PGBD5: variants seen among roughly 807,000 people sequenced by gnomAD.
PGBD5 encodes piggyBac transposable element-derived protein 5.
PGBD5 carries 14 observed loss-of-function variants against 47.9 expected under a neutral mutation model. That is an observed-to-expected ratio of 0.29 (90% CI 0.19 to 0.46). PGBD5 has a LOEUF of 0.46. PGBD5 is among the 20% of genes least tolerant of loss of function. The pLI is 1.00. For missense variants in PGBD5, 635 were observed against 716.0 expected, an observed-to-expected ratio of 0.89 and a Z score of 1.29; for synonymous variants, 316 against 306.3, an observed-to-expected ratio of 1.03 and a Z score of -0.33.
intron 2 of PGBD5, among the ~76,000 whole-genome samples, chr1:230,351,988 C>CG: frequency 6.6e-6 from 1 of 152,302 alleles, no homozygotes; most frequent in Admixed American, 6.5e-5. Flanking sequence ...ACGTGCTACA[C>CG]TTCCCTCCCT....
intron 1 of PGBD5, chr1:230,377,381 CGT>C (rs1231921789): frequency 8.7e-7 from 1 of 1,151,694 alleles, no homozygotes; most frequent in Non-Finnish European, 1.3e-6. Flanking sequence ...GACATCAACA[CGT>C]GATAAATCCT....
In PGBD5 at chr1:230,387,943, G is replaced by A. The variant is rs1241562683; in HGVS notation, c.332-30622C>T. Among the ~76,000 whole-genome samples the A allele has an allele frequency of 3.3e-5, 5 of 152,136 alleles. No homozygotes were observed. In the East Asian group the frequency reaches 7.7e-4, roughly 24 times the overall value. ...TGGAGGGATGTGGCAGCAAAGGAGG[G>A]GCTGTGTATTTTGACCCAGGCCAGT... On this transcript the variant is annotated intron_variant, in intron 1 of 6. Coordinates refer to ENST00000391860, the MANE Select transcript of PGBD5 (RefSeq NM_001258311.2).
At chr1:230,356,562 C>T (rs1020955589) in intron 2 of PGBD5, among the ~76,000 whole-genome samples, 2 of 152,022 alleles carry the variant, frequency 1.3e-5, no homozygotes, top group Non-Finnish European at 2.9e-5. Flanking sequence ...GAGAATATGA[C>T]AATAAAATTA....
At chr1:230,325,957 C>T (rs1194480477) in intron 5 of PGBD5, among the ~76,000 whole-genome samples, 1 of 152,136 alleles carries the variant, frequency 6.6e-6, no homozygotes, top group Admixed American at 6.5e-5. Context: ...CACTAGACCT[C>T]ACTCCTCCCA....
At chr1:230,336,109 C>G (rs979327475) in intron 4 of PGBD5, 3 of 152,176 alleles carry the variant, frequency 2.0e-5, no homozygotes, top group East Asian at 3.9e-4. Flanking sequence ...ACCCTGTGCT[C>G]GAACAGAGAA....
chr1:230,358,626 G>A (rs1328949901), intron 1 of PGBD5, among the ~76,000 whole-genome samples: 1 of 151,708 alleles, frequency 6.6e-6, no homozygotes, highest in Non-Finnish European at 1.5e-5. Flanking sequence ...ACAATGAACT[G>A]CATATAGGAT....
rs1426532374 is a variant in PGBD5 at position 230,317,693 on chromosome 1, A to G, written c.*5732T>C. 1.3e-5 allele frequency: 2 copies of G among 152,174 alleles called. No individual in the cohort carries two copies. The highest frequency in any genetic ancestry group is 2.9e-5 in the Non-Finnish European group (2 of 68,030). 9.4% of individuals were successfully genotyped at this position (152,174 alleles called of 1,614,324 possible). On this transcript the variant is annotated 3_prime_UTR_variant, in exon 7 of 7. Coordinates refer to ENST00000391860, the MANE Select transcript of PGBD5 (RefSeq NM_001258311.2). ...AGTGCCCCTTCCACCTGAGGGAGCC[A>G]GGAGGCTTGACACGTGAGGGAAGCC...
intron 5 of PGBD5, among the ~76,000 whole-genome samples, 164 bp downstream of exon 5, chr1:230,332,680 C>T (rs1667238913): frequency 6.6e-6 from 1 of 152,200 alleles, no homozygotes; most frequent in Admixed American, 6.5e-5. Flanking sequence ...ACACAGCCGC[C>T]ACACTTAGGA....
At chr1:230,386,376 G>A (rs371271867) in intron 1 of PGBD5, among the ~76,000 whole-genome samples, 14 of 151,540 alleles carry the variant, frequency 9.2e-5, no homozygotes, top group African/African-American at 2.7e-4. Flanking sequence ...GTGAATATAC[G>A]AGTTTCACTT....
chr1:230,399,453 C>T (rs1020829431), intron 1 of PGBD5, among the ~76,000 whole-genome samples: 4 of 152,190 alleles, frequency 2.6e-5, no homozygotes, highest in Admixed American at 2.0e-4. Context: ...GCAGACCTAA[C>T]CCCTTGCCGT....
intron 3 of PGBD5, among the ~76,000 whole-genome samples, chr1:230,348,306 T>C (rs1447654584): frequency 6.6e-6 from 1 of 152,176 alleles, no homozygotes; most frequent in Non-Finnish European, 1.5e-5. Flanking sequence ...TCCAGAGCAA[T>C]GACTGAGCAG....
intron 2 of PGBD5, among the ~76,000 whole-genome samples, chr1:230,356,215 G>A (rs377129025): frequency 1.1e-4 from 16 of 152,266 alleles, no homozygotes; most frequent in African/African-American, 2.9e-4. Context: ...TAGACCAGCC[G>A]GGCAAATTTT....
At chr1:230,369,319 G>C (rs866140) in intron 1 of PGBD5, among the ~76,000 whole-genome samples, 96,557 of 152,144 alleles carry the variant, frequency 0.63, 31,941 homozygotes, top group Non-Finnish European at 0.74. Flanking sequence ...AATCCACGTG[G>C]AGCCACACCT....
chr1:230,393,705 G>A (rs962913127), intron 1 of PGBD5, among the ~76,000 whole-genome samples: 1 of 151,814 alleles, frequency 6.6e-6, no homozygotes, highest in African/African-American at 2.4e-5. Context: ...GGCGCCTGTA[G>A]TCCCAGCTAC....
intron 1 of PGBD5, among the ~76,000 whole-genome samples, chr1:230,406,823 A>G (rs1657308134): frequency 6.6e-6 from 1 of 152,234 alleles, no homozygotes; most frequent in South Asian, 2.1e-4. Context: ...TAAAAATTTC[A>G]CAATCAAGTT....
At chr1:230,328,781 T>G (rs1667163604) in intron 5 of PGBD5, among the ~76,000 whole-genome samples, 1 of 152,246 alleles carries the variant, frequency 6.6e-6, no homozygotes, top group Non-Finnish European at 1.5e-5. Flanking sequence ...CATATTCATA[T>G]GCAGACATTC....
At chr1:230,337,353 C>G in intron 3 of PGBD5, 65 bp from the exon 4 acceptor site, 3 of 1,431,770 alleles carry the variant, frequency 2.1e-6, no homozygotes, top group Non-Finnish European at 1.9e-6. Flanking sequence ...CCCGAGTATT[C>G]AGCAAGCACA....
At chr1:230,393,748 C>A (rs1656849253) in intron 1 of PGBD5, among the ~76,000 whole-genome samples, 2 of 151,302 alleles carry the variant, frequency 1.3e-5, no homozygotes, top group Non-Finnish European at 2.9e-5. Flanking sequence ...TGGCGTGAAC[C>A]CGGGAAGCGG....
chr1:230,333,846 C>T (rs1667260667), intron 4 of PGBD5, among the ~76,000 whole-genome samples: 1 of 152,170 alleles, frequency 6.6e-6, no homozygotes, highest in African/African-American at 2.4e-5. Flanking sequence ...ACACCCACCG[C>T]GGACTTGCTC....
Sources: allele counts gnomAD v4.1 joint callset (sites outside exome capture counted in the v4.1 genomes callset), GRCh38; gene constraint gnomAD v4.1.1; transcripts MANE v1.5; gene names NCBI Gene and HGNC (gene_info 2026-07-23, HGNC 2026-07-21).